Variants in NOS1 observed in about 807,000 individuals in gnomAD.
The protein encoded by NOS1 is nitric oxide synthase 1, also known as NOS type I.
NOS1 carries 51 observed loss-of-function variants against 164.5 expected under a neutral mutation model. The observed-to-expected ratio is 0.31, with a 90% CI of 0.25 to 0.39. The LOEUF (loss-of-function observed/expected upper bound fraction) is 0.39. NOS1 is among the 10% of genes least tolerant of loss of function. The probability of loss-of-function intolerance (pLI) is 1.00; values close to 1 mark genes in which losing one functional copy is unlikely to be tolerated. For synonymous variants in NOS1, 719 were observed against 745.8 expected (o/e 0.96, Z 0.59); for missense variants, 1,362 against 1,885.6 (o/e 0.72, Z 5.14).
intron 17 of NOS1, among the ~76,000 whole-genome samples, chr12:117,250,052 T>C (rs1432425850): frequency 6.6e-6 from 1 of 152,112 alleles, no homozygotes; most frequent in East Asian, 1.9e-4. Context: ...ATCTCTTTTT[T>C]AGGACGATGG....
intron 1 of NOS1, among the ~76,000 whole-genome samples, chr12:117,359,123 C>A (rs1408499940): frequency 6.6e-5 from 10 of 152,230 alleles, no homozygotes; most frequent in Admixed American, 6.5e-4. Flanking sequence ...TGTGACAGTG[C>A]CTTGGAGCTG....
chr12:117,315,525 A>T (rs557678335), intron 2 of NOS1, among the ~76,000 whole-genome samples: 1 of 152,272 alleles, frequency 6.6e-6, no homozygotes, highest in Non-Finnish European at 1.5e-5. Flanking sequence ...GCTTCCCTTC[A>T]CCCAGAAGCA....
rs747488568 is a variant in NOS1 at position 117,208,328 on chromosome 12, AC to A, written c.*6980del. The stretch of plus-strand genomic sequence containing the variant: ...AAGGAAGGTGCTGGAGCACAGGGAC[AC>A]TTGGCAGAGATTAGCAGCATTGAGA... On this transcript the variant is annotated 3_prime_UTR_variant, in exon 29 of 29. Coordinates refer to ENST00000317775, the MANE Select transcript of NOS1 (RefSeq NM_000620.5). 7.8e-7 allele frequency: 1 copy of A among 1,288,976 alleles called. No individual in the cohort carries two copies. Among genetic ancestry groups the A allele is most frequent in the South Asian group, 1.2e-5 (1 of 81,014 alleles). The allele number at this position is 1,288,976 out of a possible 1,614,324, so 79.8% of individuals were successfully genotyped here. A position where few individuals can be genotyped will look rare whatever the true frequency, so the allele number is the denominator to read the frequency against.
chr12:117,303,047 C>T (rs558803755), intron 3 of NOS1, among the ~76,000 whole-genome samples: 1 of 152,162 alleles, frequency 6.6e-6, no homozygotes, highest in Non-Finnish European at 1.5e-5. Context: ...CGCTGGGCCA[C>T]TGTTACTGTT....
chr12:117,248,737 G>A (rs1345357869), intron 17 of NOS1, among the ~76,000 whole-genome samples: 2 of 151,936 alleles, frequency 1.3e-5, no homozygotes, highest in Non-Finnish European at 2.9e-5. Context: ...GGGTCAAATG[G>A]TATTTCTAGT....
chr12:117,253,572 A>G (rs1037962369), intron 17 of NOS1, 66 bp downstream of exon 17: 3 of 1,058,834 alleles, frequency 2.8e-6, no homozygotes, highest in Non-Finnish European at 4.3e-6. Context: ...TCACTTTGTA[A>G]GTAGGTCAAG....
At position 117,330,299 on chromosome 12, in the gene NOS1, T is replaced by TGC; in HGVS notation, c.725+44_725+45dup. The TGC allele has an allele frequency of 1.6e-6, 1 of 634,018 alleles. No homozygotes were observed. The highest frequency in any genetic ancestry group is 2.2e-6 in the Non-Finnish European group (1 of 459,048). The allele number at this position is 634,018 out of a possible 1,614,324, so 39.3% of individuals were successfully genotyped here. A position where few individuals can be genotyped will look rare whatever the true frequency, so the allele number is the denominator to read the frequency against. ...AGACGCACATGCACACACACAAGCA[T>TGC]GCACACACACACACACACACACACA... On this transcript the variant is annotated intron_variant, in intron 2 of 28. Coordinates refer to ENST00000317775, the MANE Select transcript of NOS1 (RefSeq NM_000620.5). This position sits in a 1 kb window ranked among gnomAD's most constrained non-coding sequence, Gnocchi z 4.6.
intron 18 of NOS1, among the ~76,000 whole-genome samples, chr12:117,246,525 T>C (rs1870627738): frequency 6.6e-6 from 1 of 152,186 alleles, no homozygotes; most frequent in Non-Finnish European, 1.5e-5. Flanking sequence ...CTGTGGCATG[T>C]CGAACGTCCA....
intron 27 of NOS1, 29 bp from the exon 28 acceptor site, chr12:117,218,193 C>G: frequency 6.6e-7 from 1 of 1,522,056 alleles, no homozygotes; most frequent in South Asian, 1.1e-5. Flanking sequence ...CAGAAAACAG[C>G]TCTCAAATGC....
At chr12:117,319,855 G>A (rs540069886) in intron 2 of NOS1, among the ~76,000 whole-genome samples, 48 of 152,334 alleles carry the variant, frequency 3.2e-4, no homozygotes, top group South Asian at 1.9e-3. Flanking sequence ...TGTGATGAGC[G>A]TGCCAGCCAC....
At chr12:117,265,799 T>C (rs1281068138) in intron 11 of NOS1, among the ~76,000 whole-genome samples, 3 of 151,966 alleles carry the variant, frequency 2.0e-5, no homozygotes, top group Admixed American at 6.6e-5. Context: ...TCTTTCTTTT[T>C]CTTTTTTTTG....
intron 20 of NOS1, 95 bp downstream of exon 20, chr12:117,242,532 A>G: frequency 9.9e-7 from 1 of 1,007,412 alleles, no homozygotes; most frequent in Non-Finnish European, 1.6e-6. Context: ...ATGATTGGAG[A>G]ACAGCCAGTC....
chr12:117,216,497 A>T (rs2135917292), intron 28 of NOS1, among the ~76,000 whole-genome samples: 1 of 150,030 alleles, frequency 6.7e-6, no homozygotes, highest in African/African-American at 2.5e-5. Flanking sequence ...TTTTCTCTTG[A>T]GATAGGGTCT....
At position 117,213,125 on chromosome 12, in the gene NOS1, A is replaced by T. The variant is rs1369844311; in HGVS notation, c.*2184T>A. The T allele has an allele frequency of 2.8e-5, 28 of 985,350 alleles. No homozygotes were observed. The highest frequency in any genetic ancestry group is 3.4e-5 in the Non-Finnish European group (28 of 829,954). 61.0% of individuals were successfully genotyped at this position (985,350 alleles called of 1,614,324 possible). ...TGGCACCTTGTAAGCGCTTCTAAGT[A>T]TTTATTCCCTGATGGAAAAGCATTC... On this transcript the variant is annotated 3_prime_UTR_variant, in exon 29 of 29. Transcript: ENST00000317775.
At chr12:117,347,861 G>T (rs1178189911) in intron 1 of NOS1, among the ~76,000 whole-genome samples, 3 of 152,148 alleles carry the variant, frequency 2.0e-5, no homozygotes, top group African/African-American at 7.2e-5. Context: ...CTTTGGGTGT[G>T]CACCAAAGCC....
chr12:117,345,492 G>A (rs933194916), intron 1 of NOS1, among the ~76,000 whole-genome samples: 1 of 152,134 alleles, frequency 6.6e-6, no homozygotes, highest in Non-Finnish European at 1.5e-5. Context: ...GAGATGAGGG[G>A]ACAAGGCTAA....
intron 1 of NOS1, among the ~76,000 whole-genome samples, chr12:117,351,878 G>T (rs1287790156): frequency 2.0e-5 from 3 of 152,174 alleles, no homozygotes; most frequent in African/African-American, 7.2e-5. Context: ...CATCCAGAGG[G>T]GTCTAAAGTG....
At chr12:117,344,490 T>C (rs1876256270) in intron 1 of NOS1, among the ~76,000 whole-genome samples, 2 of 152,228 alleles carry the variant, frequency 1.3e-5, no homozygotes, top group Non-Finnish European at 2.9e-5. Flanking sequence ...CATGACATTA[T>C]AATTCCCATT....
chr12:117,243,045 T>C lies in NOS1; in HGVS notation c.2962+252A>G, dbSNP rs1870313637. Among the ~76,000 whole-genome samples the C allele has an allele frequency of 6.6e-6, 1 of 151,418 alleles. No individual in the cohort carries two copies. Among genetic ancestry groups the C allele is most frequent in the Non-Finnish European group, 1.5e-5 (1 of 67,906 alleles). Reference sequence around the variant, plus strand: ...TGGGTAGTGCAGAACAAAAAGAAAATATAGTTGAGTTAAGTTGAGAAGAGG... The same window carrying C: ...TGGGTAGTGCAGAACAAAAAGAAAACATAGTTGAGTTAAGTTGAGAAGAGG... On this transcript the variant is annotated intron_variant, in intron 19 of 28. Transcript: ENST00000317775. The surrounding 1 kb of genome is among the most constrained non-coding windows in gnomAD (Gnocchi z 4.3).
Sources: gnomAD v4.1 joint callset for allele counts (sites outside exome capture counted in the v4.1 genomes callset) on GRCh38, gnomAD v4.1.1 for gene constraint, Gnocchi (gnomAD v3.1) non-coding constraint, MANE v1.5 for transcripts, NCBI Gene and HGNC (gene_info 2026-07-23, HGNC 2026-07-21) for gene names.